The following CUL5 variants were observed in gnomAD, a reference collection of about 807,000 sequenced individuals.
CUL5 encodes the protein cullin 5.
A neutral mutation model predicts 108.8 loss-of-function variants in CUL5; 26 were observed. The observed-to-expected ratio is 0.24, with a 90% CI of 0.18 to 0.33. The LOEUF (loss-of-function observed/expected upper bound fraction) is 0.33, where lower values mean the gene tolerates loss of function less well. CUL5 is among the 10% of genes least tolerant of loss of function. The pLI is 1.00. For missense variants in CUL5, 524 were observed against 909.2 expected (o/e 0.58, Z 5.45); for synonymous variants, 334 against 298.0 (o/e 1.12, Z -1.25).
intron 11 of CUL5, among the ~76,000 whole-genome samples, chr11:108,078,960 A>C (rs1439918543): frequency 6.6e-6 from 1 of 152,118 alleles, no homozygotes; most frequent in Non-Finnish European, 1.5e-5. Context: ...TATAATATTG[A>C]TATATTTTAG....
chr11:108,101,476 T>A (rs1489790600), intron 18 of CUL5, among the ~76,000 whole-genome samples: 2 of 152,258 alleles, frequency 1.3e-5, no homozygotes, highest in African/African-American at 4.8e-5. Context: ...CTCTTTCCCC[T>A]GCTCTTACTG....
At chr11:108,073,242 C>A in intron 9 of CUL5, 148 bp from the exon 10 acceptor site, 7 of 485,912 alleles carry the variant, frequency 1.4e-5, no homozygotes, top group East Asian at 3.8e-5. Flanking sequence ...AGTGGCAAAA[C>A]AGTAATATTG....
At chr11:108,074,190 A>ATTTTTTT (rs34367275) in intron 10 of CUL5, 5 of 118,152 alleles carry the variant, frequency 4.2e-5, no homozygotes, top group African/African-American at 1.0e-4. Flanking sequence ...GTCTATTTTA[A>ATTTTTTT]TTTTTTTTTT....
In CUL5 at chr11:108,089,642, A is replaced by G; in HGVS notation, c.1443+19A>G. ...GCTAAGAGTAAGTAAATTTTTTTAAATATTTGGTTTTCTAATACATTACAT... is the reference window on the plus strand; with the variant it reads ...GCTAAGAGTAAGTAAATTTTTTTAAGTATTTGGTTTTCTAATACATTACAT... On this transcript the variant is annotated intron_variant, in intron 13 of 18. Transcript: ENST00000393094. 1.4e-6 allele frequency: 2 copies of G among 1,432,920 alleles called. No homozygotes were observed. Among genetic ancestry groups the G allele is most frequent in the Non-Finnish European group, 1.9e-6 (2 of 1,077,388 alleles). The allele number at this position is 1,432,920 out of a possible 1,614,324, so 88.8% of individuals were successfully genotyped here.
At chr11:108,071,671 C>G (rs866224451) in intron 8 of CUL5, among the ~76,000 whole-genome samples, 1 of 152,100 alleles carries the variant, frequency 6.6e-6, no homozygotes. Context: ...TTCAGCCTCC[C>G]AAGTATCTGG....
intron 11 of CUL5, among the ~76,000 whole-genome samples, chr11:108,079,355 C>T (rs1051682563): frequency 6.6e-6 from 1 of 152,200 alleles, no homozygotes; most frequent in East Asian, 1.9e-4. Flanking sequence ...ATCCGCCCAC[C>T]TCAGCCTCCC....
chr11:108,095,435 G>T (rs1415206027), intron 15 of CUL5, 95 bp from the exon 16 acceptor site: 51 of 865,234 alleles, frequency 5.9e-5, no homozygotes, highest in Non-Finnish European at 8.2e-5. Context: ...GATACTGGAA[G>T]ACAGCAACCT....
At chr11:108,058,245 CTTTTTTTTTTTTT>C (rs771714382) in intron 7 of CUL5, among the ~76,000 whole-genome samples, 2 of 100,120 alleles carry the variant, frequency 2.0e-5, no homozygotes, top group East Asian at 7.2e-4. Flanking sequence ...TGAAGAGTGC[CTTTTTTTTTTTTT>C]TTTTTTTTGA....
At chr11:108,052,856 A>G in intron 5 of CUL5, 55 bp downstream of exon 5, 1 of 1,487,526 alleles carries the variant, frequency 6.7e-7, no homozygotes, top group Non-Finnish European at 9.2e-7. Context: ...TTGTAGAACA[A>G]TTATGGAATA....
chr11:108,070,226 T>C (rs1830994650), intron 8 of CUL5, 37 bp downstream of exon 8: 1 of 1,428,894 alleles, frequency 7.0e-7, no homozygotes. Flanking sequence ...CATAATCTTC[T>C]AAGAGGGTAT....
chr11:108,085,181 ATAT>A (rs1208455382), intron 11 of CUL5, among the ~76,000 whole-genome samples: 2 of 152,208 alleles, frequency 1.3e-5, no homozygotes, highest in Non-Finnish European at 2.9e-5. Context: ...AACAACCCAA[ATAT>A]CCATTAGTTG....
In CUL5 at chr11:108,072,189, A is replaced by C. The variant is rs925665643; in HGVS notation, c.875-143A>C. The C allele has an allele frequency of 1.6e-5, 10 of 623,092 alleles. 1 individual carries two copies. The highest frequency in any genetic ancestry group is 1.1e-4 in the Admixed American group (3 of 26,518). 38.6% of individuals were successfully genotyped at this position (623,092 alleles called of 1,614,324 possible). The stretch of plus-strand genomic sequence containing the variant: ...CTGGGACCCTGTCTCAAAAACAAAA[A>C]AACAACAACAAAAAAACGAACAACT... On this transcript the variant is annotated intron_variant, in intron 8 of 18. Coordinates refer to ENST00000393094, the MANE Select transcript of CUL5 (RefSeq NM_003478.6).
rs1307789628 is a variant in CUL5, at chr11:108,094,429, T to G, written c.1482T>G (p.Ala494=). The part of the protein sequence containing the change: ...GMPADYVNKL[A]RMFQDIKVSE... ...CAGCGGATTATGTAAACAAGCTTGC[T>G]AGAATGTTTCAGGACATAAAAGTAT... Residue 494 remains alanine, a synonymous_variant, in exon 14 of 19, where the codon GCT becomes GCG. Transcript: ENST00000393094. 2 of 1,587,126 alleles carry G rather than the reference T, an allele frequency of 1.3e-6. No individual in the cohort carries two copies. Among genetic ancestry groups the G allele is most frequent in the Admixed American group, 3.5e-5 (2 of 56,860 alleles).
In CUL5 at chr11:108,051,940, T is replaced by C. The variant is rs189581502; in HGVS notation, c.412-720T>C. On this transcript the variant is annotated intron_variant, in intron 4 of 18. Coordinates refer to ENST00000393094, the MANE Select transcript of CUL5 (RefSeq NM_003478.6). ...AGTAACAGCTGGGATTCAAATCCAG[T>C]TGGATTCTGAAACACTTGTTCTTTA... Among the ~76,000 whole-genome samples the C allele has an allele frequency of 1.2e-4, 18 of 152,236 alleles. No homozygotes were observed. The East Asian group carries it at 1.9e-3, about 16-fold the overall frequency.
At chr11:108,043,928 C>G (rs553503732) in intron 2 of CUL5, among the ~76,000 whole-genome samples, 6 of 152,100 alleles carry the variant, frequency 3.9e-5, no homozygotes, top group Non-Finnish European at 7.4e-5. Context: ...GAGGCTGAGG[C>G]AGGAGAATCA....
At chr11:108,086,275 C>T (rs1035666734) in intron 11 of CUL5, among the ~76,000 whole-genome samples, 6 of 152,046 alleles carry the variant, frequency 3.9e-5, no homozygotes, top group Admixed American at 2.6e-4. Context: ...AAAACAGCCA[C>T]GGGGGAAAAA....
intron 4 of CUL5, 76 bp from the exon 5 acceptor site, chr11:108,052,584 T>A (rs1273668750): frequency 7.4e-7 from 1 of 1,359,342 alleles, no homozygotes; most frequent in Non-Finnish European, 1.0e-6. Flanking sequence ...TTTGATTTCC[T>A]TTTTTGGTGT....
intron 9 of CUL5, 136 bp downstream of exon 9, chr11:108,072,598 T>G (rs1863853404): frequency 1.7e-6 from 1 of 593,862 alleles, no homozygotes; most frequent in Admixed American, 3.3e-5. Flanking sequence ...GGGTATAAAG[T>G]TATAGTTCAA....
At chr11:108,054,851 G>A (rs1863333306) in intron 6 of CUL5, 24 bp from the exon 7 acceptor site, 4 of 1,602,706 alleles carry the variant, frequency 2.5e-6, no homozygotes, top group Non-Finnish European at 2.6e-6. Context: ...TTCTTAAAAT[G>A]ATTGCTATTT....
Sources: gnomAD v4.1 joint callset for allele counts (sites outside exome capture counted in the v4.1 genomes callset) on GRCh38, gnomAD v4.1.1 for gene constraint, MANE v1.5 for transcripts, NCBI Gene and HGNC (gene_info 2026-07-23, HGNC 2026-07-21) for gene names.